TRAPPC12: variants seen among roughly 807,000 people sequenced by gnomAD.
The protein encoded by TRAPPC12 is trafficking protein particle complex subunit 12.
TRAPPC12 carries 61 observed loss-of-function variants against 69.2 expected under a neutral mutation model. The ratio of observed to expected loss-of-function variants is 0.88; its 90% CI spans 0.72 to 1.09. The LOEUF is 1.09. Among genes scored for constraint, TRAPPC12 ranks in the 50% least tolerant of loss-of-function variants. TRAPPC12 has a pLI of 0.00. For missense variants in TRAPPC12, 1,101 were observed against 1,016.4 expected, an observed-to-expected ratio of 1.08 and a Z score of -1.13; for synonymous variants, 469 against 438.9, an observed-to-expected ratio of 1.07 and a Z score of -0.86.
intron 3 of TRAPPC12, among the ~76,000 whole-genome samples, chr2:3,410,378 G>A (rs1661992881): frequency 6.6e-6 from 1 of 151,954 alleles, no homozygotes; most frequent in South Asian, 2.1e-4. Flanking sequence ...TAATTAAGAT[G>A]GTAGGCATTT....
intron 3 of TRAPPC12, among the ~76,000 whole-genome samples, chr2:3,406,188 A>C (rs1156997643): frequency 6.6e-6 from 1 of 152,190 alleles, no homozygotes; most frequent in Non-Finnish European, 1.5e-5. Context: ...TCACATGGTC[A>C]CGCAACATAC....
intron 5 of TRAPPC12, among the ~76,000 whole-genome samples, chr2:3,430,960 A>G (rs919203523): frequency 2.0e-5 from 3 of 151,480 alleles, no homozygotes; most frequent in East Asian, 3.9e-4. Flanking sequence ...GGGACCATCC[A>G]CTGGGTGTGA....
intron 2 of TRAPPC12, among the ~76,000 whole-genome samples, chr2:3,396,843 A>G (rs1437231874): frequency 6.6e-6 from 1 of 152,160 alleles, no homozygotes; most frequent in Non-Finnish European, 1.5e-5. Flanking sequence ...GAGAACATTT[A>G]TAAGAGGCAC....
intron 7 of TRAPPC12, chr2:3,458,181 C>T (rs1370764305): frequency 9.0e-6 from 9 of 1,000,730 alleles, no homozygotes; most frequent in Non-Finnish European, 1.1e-5. Flanking sequence ...CATTGGAAAC[C>T]CCTTGGGGGA....
At position 3,479,522 on chromosome 2, in the gene TRAPPC12, T is replaced by C; in HGVS notation, c.*61T>C. 1 of 1,577,108 alleles carries C rather than the reference T, an allele frequency of 6.3e-7. No homozygotes were observed. The highest frequency in any genetic ancestry group is 8.6e-7 in the Non-Finnish European group (1 of 1,159,436). On this transcript the variant is annotated 3_prime_UTR_variant, in exon 12 of 12. Transcript: ENST00000324266. ...CTTTGAAACTGTGTCTTGAAGCTAA[T>C]GTATTAATGTGACATGGAGGAACTC...
chr2:3,425,274 G>T (rs910441308), intron 5 of TRAPPC12, among the ~76,000 whole-genome samples: 3 of 152,144 alleles, frequency 2.0e-5, no homozygotes, highest in African/African-American at 4.8e-5. Context: ...TGCGTCTCTT[G>T]GTGGAGAACC....
chr2:3,476,952 A>G (rs994339507), intron 9 of TRAPPC12, among the ~76,000 whole-genome samples: 1 of 152,250 alleles, frequency 6.6e-6, no homozygotes, highest in African/African-American at 2.4e-5. Context: ...TTGGGCCATA[A>G]TAGGACTTTT....
intron 9 of TRAPPC12, among the ~76,000 whole-genome samples, chr2:3,472,965 G>A (rs1398700191): frequency 2.0e-5 from 3 of 152,206 alleles, no homozygotes; most frequent in Admixed American, 6.5e-5. Flanking sequence ...AGCCGGCCAG[G>A]GTGGTAGGAT....
intron 5 of TRAPPC12, 184 bp from the exon 6 acceptor site, chr2:3,443,595 A>G (rs1664339352): frequency 1.6e-6 from 1 of 631,522 alleles, no homozygotes; most frequent in South Asian, 1.8e-5. Context: ...ACATACATAC[A>G]TAGAGCTCCA....
intron 1 of TRAPPC12, among the ~76,000 whole-genome samples, chr2:3,385,602 A>G (rs1465853464): frequency 1.3e-5 from 2 of 152,240 alleles, no homozygotes; most frequent in Non-Finnish European, 2.9e-5. Flanking sequence ...TTCTTTAAAA[A>G]GTTTCTTCAC....
intron 3 of TRAPPC12, among the ~76,000 whole-genome samples, chr2:3,420,259 G>A (rs1320323638): frequency 2.0e-5 from 3 of 152,190 alleles, no homozygotes; most frequent in Non-Finnish European, 4.4e-5. Context: ...GGGACGGCTG[G>A]TGGCTTGCAG....
At chr2:3,380,147 G>T (rs1270093839) in intron 1 of TRAPPC12, among the ~76,000 whole-genome samples, 1 of 152,312 alleles carries the variant, frequency 6.6e-6, no homozygotes, top group African/African-American at 2.4e-5. Flanking sequence ...TTGCGGGAAG[G>T]GGAAGCTGCT....
In TRAPPC12 at chr2:3,435,886, G is replaced by A. The variant is rs114436516; in HGVS notation, c.1418-7893G>A. Among the ~76,000 whole-genome samples the A allele has an allele frequency of 7.9e-3, 1,208 of 152,306 alleles. 24 individuals carry two copies. The highest frequency in any genetic ancestry group is 0.027 in the African/African-American group (1,123 of 41,558). On this transcript the variant is annotated intron_variant, in intron 5 of 11. Transcript: ENST00000324266. ...TATAATGAAGGCACTGTATAGTACC[G>A]ATTACCTGTTTTAATTTGATCCTAA...
intron 8 of TRAPPC12, among the ~76,000 whole-genome samples, chr2:3,461,409 G>A (rs1665492063): frequency 6.6e-6 from 1 of 152,208 alleles, no homozygotes; most frequent in African/African-American, 2.4e-5. Flanking sequence ...CTGCGTCTAC[G>A]TCAGGCTGGA....
At chr2:3,434,081 T>C (rs1663616855) in intron 5 of TRAPPC12, among the ~76,000 whole-genome samples, 1 of 152,224 alleles carries the variant, frequency 6.6e-6, no homozygotes, top group South Asian at 2.1e-4. Context: ...GGTATTTTTA[T>C]GTGCATTTAC....
At chr2:3,441,141 T>C (rs952308811) in intron 5 of TRAPPC12, among the ~76,000 whole-genome samples, 9 of 152,212 alleles carry the variant, frequency 5.9e-5, no homozygotes, top group African/African-American at 2.2e-4. Context: ...CATATTGGTC[T>C]ACAGTTTTTT....
chr2:3,415,195 G>A (rs1460388086), intron 3 of TRAPPC12, among the ~76,000 whole-genome samples: 1 of 152,170 alleles, frequency 6.6e-6, no homozygotes. Context: ...CTTTCGGTGG[G>A]AACTGTGCTG....
At chr2:3,409,769 A>ATTTTTTTTTTTTTTTTTT (rs1325184612) in intron 3 of TRAPPC12, among the ~76,000 whole-genome samples, 4 of 149,842 alleles carry the variant, frequency 2.7e-5, no homozygotes, top group African/African-American at 9.9e-5. Context: ...AAAAAAAAAA[A>ATTTTTTTTTTTTTTTTTT]AAAAAAAAAG....
intron 11 of TRAPPC12, 104 bp downstream of exon 11, chr2:3,479,037 G>A: frequency 1.3e-6 from 2 of 1,481,724 alleles, no homozygotes; most frequent in African/African-American, 2.8e-5. Flanking sequence ...TCTCTCTCCA[G>A]TCCACCAGCT....
Sources: allele counts gnomAD v4.1 joint callset (sites outside exome capture counted in the v4.1 genomes callset), GRCh38; gene constraint gnomAD v4.1.1; transcripts MANE v1.5; gene names NCBI Gene and HGNC (gene_info 2026-07-23, HGNC 2026-07-21).